The following RARB variants were observed in gnomAD, a reference collection of about 807,000 sequenced individuals.
RARB encodes the protein HBV-activated protein.
A neutral mutation model predicts 51.9 loss-of-function variants in RARB; 17 were observed. That is an observed-to-expected ratio of 0.33 (90% confidence interval 0.22 to 0.49). RARB has a LOEUF of 0.49. RARB is among the 20% of genes least tolerant of loss of function. RARB has a pLI of 0.99. For synonymous variants in RARB, 215 were observed against 195.4 expected, an observed-to-expected ratio of 1.10 and a Z score of -0.84; for missense variants, 369 against 550.8, an observed-to-expected ratio of 0.67 and a Z score of 3.30.
intron 3 of RARB, among the ~76,000 whole-genome samples, chr3:25,063,458 G>A (rs1360073252): frequency 6.6e-6 from 1 of 151,904 alleles, no homozygotes. Context: ...CCTTCTATTT[G>A]AAGTAAGTGA....
chr3:25,200,179 C>T (rs1451043491), intron 5 of RARB, among the ~76,000 whole-genome samples: 1 of 152,134 alleles, frequency 6.6e-6, no homozygotes, highest in Non-Finnish European at 1.5e-5. Flanking sequence ...TTTTGATTTG[C>T]ATTTCTCTGA....
At chr3:25,476,342 C>T (rs1304715178) in intron 2 of RARB, among the ~76,000 whole-genome samples, 6 of 152,152 alleles carry the variant, frequency 3.9e-5, no homozygotes, top group Non-Finnish European at 7.3e-5. Flanking sequence ...CATTTATATG[C>T]ACTGGATAAA....
At chr3:25,028,897 G>T (rs1697809365) in intron 2 of RARB, among the ~76,000 whole-genome samples, 1 of 152,180 alleles carries the variant, frequency 6.6e-6, no homozygotes, top group Admixed American at 6.5e-5. Context: ...AAATGTGCCT[G>T]ACCATGTTAA....
chr3:25,063,610 C>T (rs1426324701), intron 3 of RARB, among the ~76,000 whole-genome samples: 1 of 151,748 alleles, frequency 6.6e-6, no homozygotes, highest in Non-Finnish European at 1.5e-5. Flanking sequence ...AAAATCTATG[C>T]CGGTGGAATT....
chr3:24,930,689 A>T (rs1205495494), intron 2 of RARB, among the ~76,000 whole-genome samples: 6 of 152,088 alleles, frequency 3.9e-5, no homozygotes, highest in Admixed American at 3.9e-4. Flanking sequence ...TTATAGCAAC[A>T]CTGTAAGATA....
intron 2 of RARB, among the ~76,000 whole-genome samples, chr3:25,475,482 A>T (rs1695902493): frequency 6.6e-6 from 1 of 152,212 alleles, no homozygotes; most frequent in African/African-American, 2.4e-5. Context: ...GTATTTTAGT[A>T]ACTTATTTTA....
chr3:25,202,064 T>C (rs968672642), intron 5 of RARB, among the ~76,000 whole-genome samples: 3 of 152,236 alleles, frequency 2.0e-5, no homozygotes, highest in African/African-American at 7.2e-5. Flanking sequence ...TGTCTGGTCC[T>C]GGACTTTTTT....
intron 5 of RARB, among the ~76,000 whole-genome samples, chr3:25,275,477 T>A (rs1486433564): frequency 6.6e-6 from 1 of 151,962 alleles, no homozygotes. Context: ...CAAAACAAAC[T>A]CAGGTCTGTA....
At chr3:25,377,717 C>T (rs1016358520) in intron 5 of RARB, among the ~76,000 whole-genome samples, 1 of 152,072 alleles carries the variant, frequency 6.6e-6, no homozygotes, top group Non-Finnish European at 1.5e-5. Flanking sequence ...TTCCCTAGAT[C>T]AGAAAATTCA....
At chr3:25,025,234 C>G (rs1697723061) in intron 2 of RARB, 1 of 152,166 alleles carries the variant, frequency 6.6e-6, no homozygotes, top group Non-Finnish European at 1.5e-5. Flanking sequence ...CCAAGATGAA[C>G]TTTAATTGTA....
At chr3:25,345,631 C>T (rs1400790294) in intron 5 of RARB, among the ~76,000 whole-genome samples, 3 of 145,868 alleles carry the variant, frequency 2.1e-5, no homozygotes, top group Non-Finnish European at 4.4e-5. Context: ...TGCCACTGCA[C>T]TCCAGCCTGG....
intron 5 of RARB, among the ~76,000 whole-genome samples, chr3:25,385,814 C>A (rs1418896781): frequency 6.6e-6 from 1 of 152,110 alleles, no homozygotes; most frequent in Non-Finnish European, 1.5e-5. Flanking sequence ...TATCTTGTAT[C>A]TTTCCTAAAC....
At chr3:25,082,677 T>C (rs1314584824) in intron 3 of RARB, among the ~76,000 whole-genome samples, 1 of 152,092 alleles carries the variant, frequency 6.6e-6, no homozygotes, top group African/African-American at 2.4e-5. Flanking sequence ...TTTAATAAAT[T>C]AAGAAGCAAA....
chr3:25,075,147 G>C lies in RARB; in HGVS notation c.-328+14971G>C, dbSNP rs115204784. 5.3e-3 allele frequency among the ~76,000 whole-genome samples: 800 copies of C among 152,202 alleles called. 5 individuals are homozygous for C. Among genetic ancestry groups the C allele is most frequent in the African/African-American group, 0.018 (763 of 41,522 alleles). The stretch of plus-strand genomic sequence containing the variant: ...ACACAGTCTAAGATGCAGATGTGGG[G>C]GTCTTCCAGTAATTTAGCTAGTGCC... On this transcript the variant is annotated intron_variant, in intron 3 of 11. Coordinates refer to the RARB transcript ENST00000383772.
At chr3:25,178,137 T>C (rs1700792730) in intron 5 of RARB, among the ~76,000 whole-genome samples, 6 of 152,142 alleles carry the variant, frequency 3.9e-5, no homozygotes, top group Admixed American at 2.0e-4. Flanking sequence ...GTGGCCACTT[T>C]TCCGAAGGTC....
rs17015689 is a variant in RARB, at chr3:25,051,323, T to C, written c.-379-8802T>C. Among the ~76,000 whole-genome samples, 1,200 of 151,772 alleles carry C rather than the reference T, an allele frequency of 7.9e-3. 16 individuals carry two copies. The highest frequency in any genetic ancestry group is 0.028 in the African/African-American group (1,152 of 41,378). ...ATTTGTTATTGTAGGAGAAAGGGAGTGTTTCCAGCGTTAAGATAGGCCCTG... is the reference window on the plus strand; with the variant it reads ...ATTTGTTATTGTAGGAGAAAGGGAGCGTTTCCAGCGTTAAGATAGGCCCTG... On this transcript the variant is annotated intron_variant, in intron 2 of 11. Transcript: ENST00000383772.
At chr3:25,364,710 A>G (rs1289066511) in intron 5 of RARB, among the ~76,000 whole-genome samples, 1 of 152,232 alleles carries the variant, frequency 6.6e-6, no homozygotes, top group East Asian at 1.9e-4. Context: ...ATGCAAGGCA[A>G]TAGAAAACAT....
chr3:24,986,207 A>C (rs1696791536), intron 2 of RARB, among the ~76,000 whole-genome samples: 1 of 152,250 alleles, frequency 6.6e-6, no homozygotes, highest in East Asian at 1.9e-4. Flanking sequence ...AAGGCTGGAA[A>C]TATGGAGGTG....
intron 5 of RARB, among the ~76,000 whole-genome samples, chr3:25,283,967 A>G (rs988060675): frequency 6.6e-6 from 1 of 152,204 alleles, no homozygotes; most frequent in Non-Finnish European, 1.5e-5. Flanking sequence ...AACAAATAGC[A>G]TAAGGCAAAA....
Sources: gnomAD v4.1 joint callset for allele counts (sites outside exome capture counted in the v4.1 genomes callset) on GRCh38, gnomAD v4.1.1 for gene constraint, MANE v1.5 for transcripts, NCBI Gene and HGNC (gene_info 2026-07-23, HGNC 2026-07-21) for gene names.